RAB3IL1: variants seen among roughly 807,000 people sequenced by gnomAD.
RAB3IL1 encodes the protein RAB3A interacting protein like 1.
Under a neutral mutation model 49.2 loss-of-function variants are expected in RAB3IL1, and 37 were observed. That is an observed-to-expected ratio of 0.75 (90% CI 0.58 to 0.99). RAB3IL1 has a LOEUF of 0.99. Among genes scored for constraint, RAB3IL1 ranks in the 50% least tolerant of loss-of-function variants. RAB3IL1 has a pLI of 0.00. For missense variants in RAB3IL1, 484 were observed against 513.0 expected (o/e 0.94, Z 0.55); for synonymous variants, 193 against 213.9 (o/e 0.90, Z 0.85).
the RAB3IL1 span, among the ~76,000 whole-genome samples, chr11:61,925,688 C>T: frequency 6.6e-6 from 1 of 151,560 alleles, no homozygotes; most frequent in Admixed American, 6.6e-5. Context: ...GCAGAGGGAC[C>T]AACAGGTAAA....
upstream of RAB3IL1, among the ~76,000 whole-genome samples, chr11:61,924,365 A>G (rs1237812962): frequency 2.6e-5 from 4 of 152,146 alleles, no homozygotes; most frequent in Non-Finnish European, 4.4e-5. Flanking sequence ...TCTACTCAGA[A>G]AGTCAGTTCA....
chr11:61,899,404 G>C, intron 8 of RAB3IL1, 24 bp from the exon 9 acceptor site: 1 of 1,603,786 alleles, frequency 6.2e-7, no homozygotes, highest in Non-Finnish European at 8.5e-7. Flanking sequence ...TGGGGACGGT[G>C]TGACCTGCCA....
chr11:61,900,907 A>G (rs1938877953), intron 8 of RAB3IL1, among the ~76,000 whole-genome samples: 1 of 151,914 alleles, frequency 6.6e-6, no homozygotes, highest in South Asian at 2.1e-4. Context: ...GGTGATGGAG[A>G]TAAGTGGCCA....
rs937083824 is a variant in RAB3IL1 at position 61,906,452 on chromosome 11, C to T, written c.657+14G>A. Reference sequence around the variant, plus strand: ...CACCCTTCCCCGTGCCCAGAGCCCGCTTCCCACCCTCACCTCCTTGCCCTC... The same window carrying T: ...CACCCTTCCCCGTGCCCAGAGCCCGTTTCCCACCCTCACCTCCTTGCCCTC... On this transcript the variant is annotated intron_variant, in intron 5 of 9. Transcript: ENST00000394836. This position sits in a 1 kb window ranked among gnomAD's most constrained non-coding sequence, Gnocchi z 4.6. 1.1e-5 allele frequency: 17 copies of T among 1,540,242 alleles called. No individual in the cohort carries two copies. The highest frequency in any genetic ancestry group is 1.4e-5 in the Non-Finnish European group (16 of 1,146,328).
the RAB3IL1 span, among the ~76,000 whole-genome samples, chr11:61,938,572 C>T: frequency 6.6e-6 from 1 of 152,116 alleles, no homozygotes; most frequent in Non-Finnish European, 1.5e-5. Context: ...CAGGAGAGTC[C>T]TCAAAGTATT....
At chr11:61,924,893 C>G (rs1445920158), upstream of RAB3IL1, among the ~76,000 whole-genome samples, 1 of 152,170 alleles carries the variant, frequency 6.6e-6, no homozygotes, top group Non-Finnish European at 1.5e-5. Context: ...CTCAACTCCT[C>G]AGAAGGAAAG....
chr11:61,924,684 G>A (rs188529134), upstream of RAB3IL1, among the ~76,000 whole-genome samples: 29 of 152,294 alleles, frequency 1.9e-4, no homozygotes, highest in Admixed American at 1.7e-3. Context: ...ATCATATTGT[G>A]GGGTGCTGAT....
At chr11:61,935,446 A>T in the RAB3IL1 span, among the ~76,000 whole-genome samples, 4 of 151,474 alleles carry the variant, frequency 2.6e-5, no homozygotes, top group Non-Finnish European at 5.9e-5. Flanking sequence ...AAAGAAAGAA[A>T]CTGTTTCTGA....
upstream of RAB3IL1, among the ~76,000 whole-genome samples, chr11:61,923,072 C>T (rs741888): frequency 2.6e-5 from 4 of 152,034 alleles, no homozygotes; most frequent in South Asian, 2.1e-4. Context: ...GCCTCTTGGC[C>T]GGGGGCGGGA....
chr11:61,904,254 G>C (rs890550051), intron 7 of RAB3IL1, among the ~76,000 whole-genome samples: 2 of 152,050 alleles, frequency 1.3e-5, no homozygotes, highest in Non-Finnish European at 2.9e-5. Flanking sequence ...GGGCTACTGC[G>C]TCGTTATTTA....
At chr11:61,904,487 C>T in intron 7 of RAB3IL1, 59 bp downstream of exon 7, 1 of 1,496,710 alleles carries the variant, frequency 6.7e-7, no homozygotes, top group Non-Finnish European at 9.2e-7. Context: ...GCACAGTAAA[C>T]ACACGGCTTG....
upstream of RAB3IL1, among the ~76,000 whole-genome samples, chr11:61,919,230 A>C (rs937032714): frequency 6.6e-6 from 1 of 152,228 alleles, no homozygotes; most frequent in Non-Finnish European, 1.5e-5. Context: ...GCTCAGGGCT[A>C]TGTCCCTGGA....
rs749837001 is a variant in RAB3IL1, at chr11:61,898,612, G to T, written c.1067-252C>A. On this transcript the variant is annotated intron_variant, in intron 9 of 9. Transcript: ENST00000394836. The surrounding 1 kb of genome is among the most constrained non-coding windows in gnomAD (Gnocchi z 5.1). ...ACACTGACGGCCACCCCCACAGCCC[G>T]ACGCAGACAAGCAGGTACACGCTGT... Among the ~76,000 whole-genome samples the T allele has an allele frequency of 6.6e-6, 1 of 152,196 alleles. No homozygotes were observed. The highest frequency in any genetic ancestry group is 1.5e-5 in the Non-Finnish European group (1 of 68,042).
chr11:61,918,005 T>C (rs974520977), upstream of RAB3IL1, among the ~76,000 whole-genome samples: 2 of 152,116 alleles, frequency 1.3e-5, no homozygotes, highest in African/African-American at 4.8e-5. Context: ...GTTTTCTGAG[T>C]CCTACTCTCT....
In RAB3IL1 at chr11:61,902,470, T is replaced by C. The variant is rs1379319422; in HGVS notation, c.971A>G (p.Tyr324Cys). The change falls in exon 8 of 10, where the codon TAC becomes TGC. Residue 324 changes from tyrosine (Y) to cysteine (C), a missense_variant. By Grantham distance (194) the Tyr-to-Cys change is radical (BLOSUM62 -2). Transcript: ENST00000394836. ...RIRLGDSKSHYYISPSSRARI... is the reference protein window; with the variant it reads ...RIRLGDSKSHCYISPSSRARI... ...GGCCCGGGAAGATGGCGAGATGTAG[T>C]AATGGCTTTTGGAGTCCCCGAGCCG... 6.2e-7 allele frequency: 1 copy of C among 1,600,898 alleles called. No homozygotes were observed. The highest frequency in any genetic ancestry group is 8.5e-7 in the Non-Finnish European group (1 of 1,175,678).
chr11:61,940,562 G>A, the RAB3IL1 span, among the ~76,000 whole-genome samples: 1 of 152,156 alleles, frequency 6.6e-6, no homozygotes, highest in South Asian at 2.1e-4. Flanking sequence ...CAAGGCGAGA[G>A]GATTCCTTGA....
chr11:61,930,322 G>T, the RAB3IL1 span, among the ~76,000 whole-genome samples: 1 of 152,138 alleles, frequency 6.6e-6, no homozygotes, highest in Non-Finnish European at 1.5e-5. Flanking sequence ...ATGGATAATG[G>T]TTGCACAACA....
intron 1 of RAB3IL1, among the ~76,000 whole-genome samples, chr11:61,913,441 G>A (rs984281853): frequency 6.6e-6 from 1 of 152,154 alleles, no homozygotes; most frequent in Non-Finnish European, 1.5e-5. Flanking sequence ...GAGAAGGTCA[G>A]GAACAGCTGG....
intron 1 of RAB3IL1, among the ~76,000 whole-genome samples, chr11:61,911,929 C>T (rs932014034): frequency 6.6e-6 from 1 of 152,152 alleles, no homozygotes. Flanking sequence ...GCTCTTGCCC[C>T]GACCCACAAA....
Sources: allele counts gnomAD v4.1 joint callset (sites outside exome capture counted in the v4.1 genomes callset), GRCh38; gene constraint gnomAD v4.1.1; non-coding constraint Gnocchi (gnomAD v3.1); transcripts MANE v1.5; gene names NCBI Gene and HGNC (gene_info 2026-07-23, HGNC 2026-07-21).